The following NRG3 variants were observed in gnomAD, a reference collection of about 807,000 sequenced individuals.
The protein encoded by NRG3 is neuregulin 3, also known as pro-neuregulin-3, membrane-bound isoform.
Under a neutral mutation model 66.9 loss-of-function variants are expected in NRG3, and 31 were observed. That is an observed-to-expected ratio of 0.46 (90% CI 0.35 to 0.63). The LOEUF is 0.63. NRG3 is among the 20% of genes least tolerant of loss of function. The pLI is 0.00. For missense variants in NRG3, 910 were observed against 878.9 expected (o/e 1.04, Z -0.45); for synonymous variants, 393 against 359.4 (o/e 1.09, Z -1.06).
Position 82,636,512 on chromosome 10 carries a change from T to G in NRG3, c.954-102065T>G, listed in dbSNP as rs550464080. Among the ~76,000 whole-genome samples the G allele has an allele frequency of 3.9e-5, 6 of 152,272 alleles. No individual in the cohort carries two copies. In the East Asian group the frequency reaches 1.2e-3, roughly 29 times the overall value. On this transcript the variant is annotated intron_variant, in intron 2 of 8. Transcript: ENST00000372141. ...ATGTTCACATATAAGTGAGACCATATAATATTTTTCTTTCTGTATCTGGTT... is the reference window on the plus strand; with the variant it reads ...ATGTTCACATATAAGTGAGACCATAGAATATTTTTCTTTCTGTATCTGGTT...
intron 2 of NRG3, among the ~76,000 whole-genome samples, chr10:82,464,442 TAAAG>T (rs1244479479): frequency 6.6e-6 from 1 of 152,158 alleles, no homozygotes; most frequent in South Asian, 2.1e-4. Flanking sequence ...AACTACCAAT[TAAAG>T]AAGAAGGAAA....
At chr10:82,598,065 A>G (rs754226443) in intron 2 of NRG3, among the ~76,000 whole-genome samples, 1 of 152,168 alleles carries the variant, frequency 6.6e-6, no homozygotes, top group East Asian at 1.9e-4. Context: ...CTGTGTTGCT[A>G]CAGTGGTCTG....
chr10:82,672,196 G>A (rs748375777), intron 2 of NRG3, among the ~76,000 whole-genome samples: 1 of 152,140 alleles, frequency 6.6e-6, no homozygotes, highest in South Asian at 2.1e-4. Context: ...GAGAGTACTA[G>A]GAAAGAAATG....
At chr10:82,795,191 G>C (rs905840952) in intron 3 of NRG3, among the ~76,000 whole-genome samples, 52 of 152,214 alleles carry the variant, frequency 3.4e-4, no homozygotes, top group African/African-American at 1.3e-3. Context: ...TTATAAAAAA[G>C]CTTTATTGGT....
At chr10:82,207,090 T>C (rs752908813) in intron 1 of NRG3, among the ~76,000 whole-genome samples, 1 of 152,168 alleles carries the variant, frequency 6.6e-6, no homozygotes, top group Non-Finnish European at 1.5e-5. Flanking sequence ...AAAACAATAG[T>C]CTTTCTGGAT....
chr10:82,524,819 GGACCTCCA>G (rs1259186464), intron 2 of NRG3, among the ~76,000 whole-genome samples: 6 of 151,724 alleles, frequency 4.0e-5, no homozygotes, highest in African/African-American at 1.5e-4. Context: ...GTTCTATAAT[GGACCTCCA>G]GAGTAATTTC....
At chr10:82,422,253 A>T (rs758074556) in intron 2 of NRG3, among the ~76,000 whole-genome samples, 2 of 152,058 alleles carry the variant, frequency 1.3e-5, no homozygotes, top group Non-Finnish European at 2.9e-5. Flanking sequence ...GGGGAAAGGG[A>T]TAAGAAAATG....
intron 2 of NRG3, among the ~76,000 whole-genome samples, chr10:82,655,159 C>T (rs2051739077): frequency 6.6e-6 from 1 of 151,552 alleles, no homozygotes; most frequent in Non-Finnish European, 1.5e-5. Context: ...AGAAATAGTA[C>T]AGTGAAAGTA....
chr10:82,812,681 A>G (rs897720616), intron 3 of NRG3, among the ~76,000 whole-genome samples: 19 of 152,212 alleles, frequency 1.2e-4, no homozygotes, highest in Admixed American at 6.5e-5. Context: ...GATAAAAATT[A>G]GCATAAGAGT....
intron 1 of NRG3, among the ~76,000 whole-genome samples, chr10:81,926,472 A>G (rs1846798471): frequency 6.6e-6 from 1 of 152,180 alleles, no homozygotes; most frequent in African/African-American, 2.4e-5. Context: ...AGAGTGATAT[A>G]GAGAATTTAC....
chr10:82,713,766 AC>A (rs2056812315), intron 2 of NRG3, among the ~76,000 whole-genome samples: 1 of 152,200 alleles, frequency 6.6e-6, no homozygotes, highest in Non-Finnish European at 1.5e-5. Context: ...CTAATGTTAA[AC>A]CCAAGTTTCT....
intron 1 of NRG3, among the ~76,000 whole-genome samples, chr10:82,099,011 C>T (rs560193057): frequency 9.9e-5 from 15 of 152,266 alleles, no homozygotes; most frequent in Admixed American, 2.6e-4. Flanking sequence ...GTGATCTGCC[C>T]GCATTGACCT....
rs568176202 is a variant in NRG3 at position 82,661,318 on chromosome 10, C to T, written c.954-77259C>T. ...CCCAGTCCCTGAATATACACCCTTA[C>T]TCACACATATATATTTTAATATAAT... On this transcript the variant is annotated intron_variant, in intron 2 of 8. Coordinates refer to ENST00000372141, the MANE Select transcript of NRG3 (RefSeq NM_001010848.4). Among the ~76,000 whole-genome samples the T allele has an allele frequency of 2.0e-5, 3 of 152,098 alleles. No homozygotes were observed. The South Asian group carries it at 6.2e-4, about 32-fold the overall frequency.
intron 4 of NRG3, among the ~76,000 whole-genome samples, chr10:82,888,369 A>G (rs1842888171): frequency 6.6e-6 from 1 of 152,222 alleles, no homozygotes; most frequent in Admixed American, 6.5e-5. Flanking sequence ...TGAAGAAAAT[A>G]AAGCATTTGT....
chr10:82,617,730 C>T (rs780877863), intron 2 of NRG3, among the ~76,000 whole-genome samples: 1 of 152,074 alleles, frequency 6.6e-6, no homozygotes, highest in Non-Finnish European at 1.5e-5. Context: ...AGTGTGGGGC[C>T]GTAGTGGAAG....
At position 82,429,619 on chromosome 10, in the gene NRG3, A is replaced by G. The variant is rs373795971; in HGVS notation, c.953+70751A>G. Among the ~76,000 whole-genome samples, 24 of 152,264 alleles carry G rather than the reference A, an allele frequency of 1.6e-4. No homozygotes were observed. The East Asian group carries it at 2.9e-3, about 18-fold the overall frequency. On this transcript the variant is annotated intron_variant, in intron 2 of 8. Transcript: ENST00000372141. Reference sequence around the variant, plus strand: ...TGTGAATTTCTTTGAATTTATCCAAATCAGAGTTTTTTGAACTTCCAAAAA... The same window carrying G: ...TGTGAATTTCTTTGAATTTATCCAAGTCAGAGTTTTTTGAACTTCCAAAAA...
intron 2 of NRG3, among the ~76,000 whole-genome samples, chr10:82,505,975 G>A (rs539207052): frequency 2.0e-5 from 3 of 152,154 alleles, no homozygotes; most frequent in East Asian, 1.9e-4. Flanking sequence ...AGGGCCAGGC[G>A]CGTGGCTCAC....
Position 82,956,260 on chromosome 10 carries a change from C to G in NRG3, c.1158-2689C>G, listed in dbSNP as rs531038525. On this transcript the variant is annotated intron_variant, in intron 5 of 8. Transcript: ENST00000372141. The stretch of plus-strand genomic sequence containing the variant: ...TCAAATGAACTGTAAAGTTTCCACA[C>G]TGACACTGTTGGGCTAATAGTATTC... Among the ~76,000 whole-genome samples the G allele has an allele frequency of 1.1e-3, 166 of 152,158 alleles. 2 individuals carry two copies. In the South Asian group the frequency reaches 0.034, roughly 31 times the overall value.
intron 2 of NRG3, among the ~76,000 whole-genome samples, chr10:82,512,815 G>C (rs998847453): frequency 3.9e-5 from 6 of 152,014 alleles, no homozygotes; most frequent in African/African-American, 1.4e-4. Flanking sequence ...AAATGAAACT[G>C]TAGTATATTC....
Sources: allele counts gnomAD v4.1 joint callset (sites outside exome capture counted in the v4.1 genomes callset), GRCh38; gene constraint gnomAD v4.1.1; transcripts MANE v1.5; gene names NCBI Gene and HGNC (gene_info 2026-07-23, HGNC 2026-07-21).